Variants in CDH13 observed in about 807,000 individuals in gnomAD.
The protein encoded by CDH13 is cadherin 13.
In CDH13, 24 loss-of-function variants were observed where a neutral mutation model predicts 63.8. The ratio of observed to expected loss-of-function variants is 0.38; its 90% CI spans 0.27 to 0.53. CDH13 has a LOEUF of 0.53. CDH13 is among the 20% of genes least tolerant of loss of function. The probability of loss-of-function intolerance (pLI) is 0.85; values close to 1 mark genes in which losing one functional copy is unlikely to be tolerated. For missense variants in CDH13, 1,049 were observed against 903.1 expected (o/e 1.16, Z -2.07); for synonymous variants, 503 against 355.3 (o/e 1.42, Z -4.67).
intron 10 of CDH13, among the ~76,000 whole-genome samples, chr16:83,745,502 G>C (rs1009989319): frequency 7.9e-5 from 12 of 151,886 alleles, no homozygotes; most frequent in African/African-American, 2.7e-4. Flanking sequence ...GGGAACACTC[G>C]GAGGGGCTCT....
intron 7 of CDH13, among the ~76,000 whole-genome samples, chr16:83,537,425 T>A (rs1443783554): frequency 6.6e-6 from 1 of 152,236 alleles, no homozygotes; most frequent in Non-Finnish European, 1.5e-5. Context: ...GATTCTTCCT[T>A]ATCAACAAGA....
chr16:83,374,094 A>G (rs1048704163), intron 6 of CDH13, among the ~76,000 whole-genome samples: 7 of 152,224 alleles, frequency 4.6e-5, no homozygotes, highest in African/African-American at 1.7e-4. Flanking sequence ...TGCTCCGCAA[A>G]GAGTGCAAAC....
chr16:83,111,828 C>A (rs111468316), intron 3 of CDH13, among the ~76,000 whole-genome samples: 3,016 of 152,142 alleles, frequency 0.02, 95 homozygotes, highest in African/African-American at 0.069. Context: ...TATCAAAAAC[C>A]TAAAGAGAAA....
intron 3 of CDH13, among the ~76,000 whole-genome samples, chr16:83,035,233 A>G (rs932311969): frequency 6.6e-6 from 1 of 152,194 alleles, no homozygotes; most frequent in Non-Finnish European, 1.5e-5. Context: ...CAGCTGCTAG[A>G]GAAGAAAATC....
chr16:82,983,900 C>T (rs540277455), intron 2 of CDH13, among the ~76,000 whole-genome samples: 17 of 152,218 alleles, frequency 1.1e-4, no homozygotes, highest in South Asian at 2.1e-4. Flanking sequence ...TTCTAGGAAG[C>T]GGGAATAATT....
chr16:82,741,736 A>G (rs2033941666), intron 1 of CDH13, among the ~76,000 whole-genome samples: 1 of 152,228 alleles, frequency 6.6e-6, no homozygotes, highest in South Asian at 2.1e-4. Flanking sequence ...CTATAAACAA[A>G]TAAAAATTAT....
At chr16:83,127,163 C>T (rs370273576) in intron 4 of CDH13, among the ~76,000 whole-genome samples, 2 of 152,102 alleles carry the variant, frequency 1.3e-5, no homozygotes, top group Admixed American at 1.3e-4. Context: ...TCGCAACATG[C>T]CTGGGTTGCA....
At chr16:82,731,777 A>T (rs1172044722) in intron 1 of CDH13, among the ~76,000 whole-genome samples, 2 of 152,248 alleles carry the variant, frequency 1.3e-5, no homozygotes, top group African/African-American at 4.8e-5. Flanking sequence ...GTGTTTTATT[A>T]TTTGTAAATT....
At chr16:83,346,737 C>T (rs971483323) in intron 6 of CDH13, among the ~76,000 whole-genome samples, 2 of 152,030 alleles carry the variant, frequency 1.3e-5, no homozygotes, top group Non-Finnish European at 2.9e-5. Flanking sequence ...AGAAAGAGTT[C>T]TTTTTGCACA....
chr16:83,171,463 C>G, intron 4 of CDH13: 1 of 1,369,278 alleles, frequency 7.3e-7, no homozygotes, highest in Non-Finnish European at 1.0e-6. Context: ...AAAAGCTTTT[C>G]TAATTAGGTT....
At chr16:82,907,777 C>T (rs904703253) in intron 2 of CDH13, among the ~76,000 whole-genome samples, 5 of 152,200 alleles carry the variant, frequency 3.3e-5, no homozygotes, top group South Asian at 2.1e-4. Context: ...GCATAGCCAG[C>T]GCTGTGCAGG....
In CDH13 at chr16:83,673,088, T is replaced by C. The variant is rs548442348; in HGVS notation, c.1284+2116T>C. On this transcript the variant is annotated intron_variant, in intron 9 of 13. Transcript: ENST00000567109. ...AGTACTATAATTGCTTATTCATACA[T>C]AGTACATTCATATATAGGAGTACAT... Among the ~76,000 whole-genome samples, 4 of 152,370 alleles carry C rather than the reference T, an allele frequency of 2.6e-5. No homozygotes were observed. The South Asian group carries it at 8.3e-4, about 32-fold the overall frequency.
At chr16:82,693,977 C>T (rs1000831791) in intron 1 of CDH13, among the ~76,000 whole-genome samples, 4 of 152,166 alleles carry the variant, frequency 2.6e-5, no homozygotes, top group East Asian at 1.9e-4. Flanking sequence ...TTATTTGCTG[C>T]GTACATGGTC....
chr16:83,048,253 T>A (rs1252326631), intron 3 of CDH13, among the ~76,000 whole-genome samples: 2 of 152,158 alleles, frequency 1.3e-5, no homozygotes, highest in Admixed American at 6.5e-5. Flanking sequence ...CCTTGAGTTT[T>A]GAAAAGAACT....
intron 8 of CDH13, among the ~76,000 whole-genome samples, chr16:83,669,839 G>T (rs1179448926): frequency 6.6e-6 from 1 of 152,056 alleles, no homozygotes; most frequent in East Asian, 1.9e-4. Flanking sequence ...CTTTTTGTCA[G>T]CTTATTGGTG....
At chr16:83,491,731 A>C (rs2074018179) in intron 7 of CDH13, among the ~76,000 whole-genome samples, 1 of 152,146 alleles carries the variant, frequency 6.6e-6, no homozygotes, top group Non-Finnish European at 1.5e-5. Context: ...ATTATCTATT[A>C]TCTTCCAGAT....
At chr16:82,848,605 C>G (rs952202382) in intron 1 of CDH13, among the ~76,000 whole-genome samples, 6 of 150,342 alleles carry the variant, frequency 4.0e-5, no homozygotes, top group African/African-American at 1.2e-4. Flanking sequence ...GCACCACAAA[C>G]TGTGCCCATA....
At chr16:83,309,165 G>C (rs1192751458) in intron 5 of CDH13, among the ~76,000 whole-genome samples, 1 of 152,136 alleles carries the variant, frequency 6.6e-6, no homozygotes, top group Non-Finnish European at 1.5e-5. Context: ...CATTGAGCTT[G>C]TGTCTGTTTT....
At chr16:83,338,825 G>T (rs906769917) in intron 5 of CDH13, among the ~76,000 whole-genome samples, 1 of 152,188 alleles carries the variant, frequency 6.6e-6, no homozygotes, top group East Asian at 1.9e-4. Flanking sequence ...GAAGAAGAGG[G>T]ATTCCTTGTA....
Sources: gnomAD v4.1 joint callset for allele counts (sites outside exome capture counted in the v4.1 genomes callset) on GRCh38, gnomAD v4.1.1 for gene constraint, MANE v1.5 for transcripts, NCBI Gene and HGNC (gene_info 2026-07-23, HGNC 2026-07-21) for gene names.